The following TXNRD3 variants were observed in gnomAD, a reference collection of about 807,000 sequenced individuals.
The protein encoded by TXNRD3 is thioredoxin reductase 3, also known as TXNRD3 neighbor gene protein.
In TXNRD3, 68 loss-of-function variants were observed where a neutral mutation model predicts 78.2. That is an observed-to-expected ratio of 0.87 (90% CI 0.72 to 1.06). TXNRD3 has a LOEUF of 1.06. Ranked by LOEUF, TXNRD3 falls within the 50% of genes least tolerant of loss-of-function variation. TXNRD3 has a pLI of 0.00. For synonymous variants in TXNRD3, 296 were observed against 300.1 expected (o/e 0.99, Z 0.14); for missense variants, 751 against 809.5 (o/e 0.93, Z 0.88).
Position 126,654,932 on chromosome 3 carries a change from C to A in TXNRD3, c.59G>T (p.Arg20Leu). The stretch of plus-strand genomic sequence containing the variant: ...CGCCCCTCGGACATGGCCCGAGCGG[C>A]GGTTGGGGGCATCGCCCGCCTTTCC... Residue 20 changes from arginine to leucine, a missense_variant, in exon 1 of 16, where the codon CGC becomes CTC. Transcript: ENST00000524230. 2 of 1,295,286 alleles carry A rather than the reference C, an allele frequency of 1.5e-6. No homozygotes were observed. Among genetic ancestry groups the A allele is most frequent in the South Asian group, 2.5e-5 (1 of 40,434 alleles). 80.2% of individuals were successfully genotyped at this position (1,295,286 alleles called of 1,614,324 possible). A position where few individuals can be genotyped will look rare whatever the true frequency, so the allele number is the denominator to read the frequency against.
At chr3:126,651,330 C>G (rs541484037) in intron 1 of TXNRD3, among the ~76,000 whole-genome samples, 1 of 152,114 alleles carries the variant, frequency 6.6e-6, no homozygotes, top group Non-Finnish European at 1.5e-5. Context: ...CAATGCTCAC[C>G]TCCAAGAATG....
chr3:126,607,760 T>C lies in TXNRD3; in HGVS notation c.*145A>G. On this transcript the variant is annotated 3_prime_UTR_variant, in exon 16 of 16. Coordinates refer to ENST00000524230, the MANE Select transcript of TXNRD3 (RefSeq NM_052883.3). ...CTGCTGTCCTCTTTCCTTGTCTACT[T>C]TCTCATCTAAGTGTCGTAAGACAGC... is the stretch of plus-strand genomic sequence containing the variant. 1 of 478,250 alleles carries C rather than the reference T, an allele frequency of 2.1e-6. No individual in the cohort carries two copies. 29.6% of individuals were successfully genotyped at this position (478,250 alleles called of 1,614,324 possible). A position where few individuals can be genotyped will look rare whatever the true frequency, so the allele number is the denominator to read the frequency against.
intron 7 of TXNRD3, among the ~76,000 whole-genome samples, chr3:126,633,341 T>C (rs1938769559): frequency 6.6e-6 from 1 of 152,208 alleles, no homozygotes; most frequent in Admixed American, 6.5e-5. Flanking sequence ...GAAGATTATC[T>C]CACACTGTGC....
chr3:126,654,371 C>G (rs1933458635), intron 1 of TXNRD3, among the ~76,000 whole-genome samples: 1 of 152,180 alleles, frequency 6.6e-6, no homozygotes. Flanking sequence ...TATTCTTAAA[C>G]ACAGAATACA....
intron 2 of TXNRD3, 135 bp downstream of exon 2, chr3:126,647,101 A>G (rs114803718): frequency 2.7e-3 from 1,581 of 592,572 alleles, no homozygotes; most frequent in Non-Finnish European, 3.6e-3. Context: ...CATTTTCTGC[A>G]TGGCTGAATG....
intron 6 of TXNRD3, among the ~76,000 whole-genome samples, chr3:126,641,134 T>A (rs888434471): frequency 6.6e-6 from 1 of 152,144 alleles, no homozygotes; most frequent in African/African-American, 2.4e-5. Flanking sequence ...CTCCTCCTCA[T>A]TTTTGCGTAG....
chr3:126,635,740 T>G (rs1203788415), intron 6 of TXNRD3, among the ~76,000 whole-genome samples: 1 of 152,202 alleles, frequency 6.6e-6, no homozygotes, highest in African/African-American at 2.4e-5. Context: ...CTTTATATTC[T>G]TTCCTTATAT....
intron 5 of TXNRD3, 114 bp from the exon 6 acceptor site, chr3:126,642,265 C>T: frequency 3.9e-6 from 5 of 1,293,570 alleles, no homozygotes; most frequent in Non-Finnish European, 5.1e-6. Flanking sequence ...GGGGATGACA[C>T]CCCACCCCAA....
At chr3:126,645,752 T>G (rs1011202205) in intron 3 of TXNRD3, among the ~76,000 whole-genome samples, 2 of 152,204 alleles carry the variant, frequency 1.3e-5, no homozygotes, top group South Asian at 4.1e-4. Flanking sequence ...ACCCCAAGGT[T>G]AGCAGTCTTA....
At position 126,622,514 on chromosome 3, in the gene TXNRD3, G is replaced by C. The variant is rs1260887563; in HGVS notation, c.1317C>G (p.Ser439=). The change falls in exon 11 of 16, where the codon TCC becomes TCG. Residue 439 remains serine (S), a synonymous_variant. Transcript: ENST00000524230. ...TCTCCAAGCCTATTTTCCTTGTACA[G>C]GAGTCACGACCAATAGCTAACAAAA... The C allele has an allele frequency of 6.5e-7, 1 of 1,535,072 alleles. No homozygotes were observed. Among genetic ancestry groups the C allele is most frequent in the East Asian group, 2.4e-5 (1 of 40,862 alleles).
In TXNRD3 at chr3:126,634,028, TCATTGTCTCC is replaced by T; in HGVS notation, c.726_735del (p.Trp242Ter). 1 of 1,516,610 alleles carries T rather than the reference TCATTGTCTCC, an allele frequency of 6.6e-7. No homozygotes were observed. Among genetic ancestry groups the T allele is most frequent in the South Asian group, 1.2e-5 (1 of 80,358 alleles). The allele number at this position is 1,516,610 out of a possible 1,614,324, so 93.9% of individuals were successfully genotyped here. ...CTGATGTGGTTCTGAATCGCTTTTG[TCATTGTCTCC>T]CAGTTGTGCCTCACTAAGAAGAAAT... On this transcript the variant is annotated frameshift_variant, in exon 7 of 16. Coordinates refer to ENST00000524230, the MANE Select transcript of TXNRD3 (RefSeq NM_052883.3). LOFTEE classifies it high-confidence loss of function.
At chr3:126,639,131 G>C (rs1473012143) in intron 6 of TXNRD3, among the ~76,000 whole-genome samples, 4 of 152,300 alleles carry the variant, frequency 2.6e-5, no homozygotes, top group Non-Finnish European at 5.9e-5. Flanking sequence ...GACTCAATTA[G>C]TTTTGAAACA....
chr3:126,622,993 A>G (rs949610218), intron 10 of TXNRD3, among the ~76,000 whole-genome samples: 1 of 152,194 alleles, frequency 6.6e-6, no homozygotes, highest in Non-Finnish European at 1.5e-5. Flanking sequence ...AGGCCTCAGA[A>G]GAAACCAACC....
At position 126,644,037 on chromosome 3, in the gene TXNRD3, C is replaced by T; in HGVS notation, c.536G>A (p.Gly179Glu). The change falls in exon 5 of 16, where the codon GGA becomes GAA. Residue 179 changes from glycine to glutamate, a missense_variant. Coordinates refer to ENST00000524230, the MANE Select transcript of TXNRD3 (RefSeq NM_052883.3). ...AAAGTCTAGCACCATAACTTTCTTT[C>T]CCAAAATGGCAGCTTCCTACAAACG... The T allele has an allele frequency of 6.5e-7, 1 of 1,536,014 alleles. No homozygotes were observed. The highest frequency in any genetic ancestry group is 8.7e-7 in the Non-Finnish European group (1 of 1,146,898).
intron 11 of TXNRD3, 118 bp downstream of exon 11, chr3:126,622,346 C>A: frequency 2.9e-6 from 2 of 688,794 alleles, no homozygotes; most frequent in Non-Finnish European, 4.5e-6. Flanking sequence ...AGAGCTGGCA[C>A]TGAACTTATA....
At chr3:126,636,924 G>A (rs902764087) in intron 6 of TXNRD3, among the ~76,000 whole-genome samples, 1 of 146,798 alleles carries the variant, frequency 6.8e-6, no homozygotes, top group African/African-American at 2.6e-5. Context: ...TTTCTTTTGT[G>A]ATTTTTTTTT....
chr3:126,647,228 C>G lies in TXNRD3; in HGVS notation c.304+8G>C. ...TAAACAACACTATGTTGTAACTGGTCTACTTACCAACTTGATCAAGTTCCA... is the reference window on the plus strand; with the variant it reads ...TAAACAACACTATGTTGTAACTGGTGTACTTACCAACTTGATCAAGTTCCA... On this transcript the variant is annotated splice_region_variant and intron_variant, in intron 2 of 15. Coordinates refer to ENST00000524230, the MANE Select transcript of TXNRD3 (RefSeq NM_052883.3). 1 of 1,532,578 alleles carries G rather than the reference C, an allele frequency of 6.5e-7. No individual in the cohort carries two copies. The highest frequency in any genetic ancestry group is 8.7e-7 in the Non-Finnish European group (1 of 1,144,498). 94.9% of individuals were successfully genotyped at this position (1,532,578 alleles called of 1,614,324 possible). A position where few individuals can be genotyped will look rare whatever the true frequency, so the allele number is the denominator to read the frequency against.
chr3:126,628,907 T>C (rs903581289), intron 10 of TXNRD3, among the ~76,000 whole-genome samples: 8 of 152,128 alleles, frequency 5.3e-5, no homozygotes, highest in Non-Finnish European at 8.8e-5. Flanking sequence ...ATATAAAACA[T>C]AAATGTATAG....
At chr3:126,654,148 G>C (rs1409644925) in intron 1 of TXNRD3, among the ~76,000 whole-genome samples, 1 of 152,026 alleles carries the variant, frequency 6.6e-6, no homozygotes, top group African/African-American at 2.4e-5. Context: ...CATAATATAT[G>C]TTTTAAGAAA....
Sources: allele counts gnomAD v4.1 joint callset (sites outside exome capture counted in the v4.1 genomes callset), GRCh38; gene constraint gnomAD v4.1.1; transcripts MANE v1.5; gene names NCBI Gene and HGNC (gene_info 2026-07-23, HGNC 2026-07-21).